The following UBAP1L variants were observed in gnomAD, a reference collection of about 807,000 sequenced individuals.
UBAP1L encodes the protein ubiquitin associated protein 1 like, also known as ubiquitin-associated protein 1-like.
UBAP1L carries 32 observed loss-of-function variants against 32.1 expected under a neutral mutation model. The observed-to-expected ratio is 1.00, with a 90% CI of 0.75 to 1.34. UBAP1L has a LOEUF of 1.34. Ranked by LOEUF, UBAP1L falls within the 40% of genes most tolerant of loss-of-function variation. UBAP1L has a pLI of 0.00. For missense variants in UBAP1L, 516 were observed against 540.5 expected (o/e 0.95, Z 0.45); for synonymous variants, 243 against 250.2 (o/e 0.97, Z 0.27).
chr15:65,093,493 CACTCACTGTCA>C (rs1398248966), intron 5 of UBAP1L, among the ~76,000 whole-genome samples: 1 of 152,220 alleles, frequency 6.6e-6, no homozygotes, highest in Non-Finnish European at 1.5e-5. Flanking sequence ...CCACTCCTCC[CACTCACTGTCA>C]ACTTTCTGCT....
chr15:65,102,592 C>T lies in UBAP1L; in HGVS notation c.213G>A (p.Ala71=), dbSNP rs1349759544. Residue 71 remains alanine (A), a synonymous_variant, in exon 3 of 6, where the codon GCG becomes GCA. Transcript: ENST00000559089. The surrounding 1 kb of genome is among the most constrained non-coding windows in gnomAD (Gnocchi z 5.0). ...SPYQCGDPGT[A]SAPPAWLLLV... ...GCAAGAGCCAGGCTGGAGGGGCTGA[C>T]GCTGTCCCCGGGTCACCGCACTGGT... 2.6e-6 allele frequency: 4 copies of T among 1,547,832 alleles called. No homozygotes were observed. Among genetic ancestry groups the T allele is most frequent in the African/African-American group, 1.4e-5 (1 of 72,742 alleles).
At chr15:65,100,819 T>C (rs1159011275) in intron 3 of UBAP1L, 1 of 152,282 alleles carries the variant, frequency 6.6e-6, no homozygotes, top group Non-Finnish European at 1.5e-5. Context: ...CATCAAAGTT[T>C]AGGAGCTGAG....
chr15:65,113,734 C>T (rs1396144522), intron 1 of UBAP1L, among the ~76,000 whole-genome samples: 1 of 151,844 alleles, frequency 6.6e-6, no homozygotes, highest in African/African-American at 2.4e-5. Flanking sequence ...GGCGACAAAG[C>T]GAGAGTCTGT....
chr15:65,101,726 G>GC (rs954050870), intron 3 of UBAP1L: 1 of 162,816 alleles, frequency 6.1e-6, no homozygotes, highest in African/African-American at 2.4e-5. Context: ...TCCACTGAGC[G>GC]CCCCCTATGG....
intron 2 of UBAP1L, 161 bp downstream of exon 2, chr15:65,105,935 C>T (rs1045644890): frequency 1.1e-5 from 11 of 960,172 alleles, no homozygotes; most frequent in African/African-American, 1.7e-5. Context: ...GGATTACAGG[C>T]ACGCGTCACC....
intron 4 of UBAP1L, chr15:65,097,473 G>C (rs2087188825): frequency 6.6e-6 from 1 of 152,262 alleles, no homozygotes; most frequent in South Asian, 2.1e-4. Flanking sequence ...TGAGATAAAA[G>C]ACATCGTGCG....
rs2087157291 is a variant in UBAP1L at position 65,094,883 on chromosome 15, C to T, written c.910-307G>A. On this transcript the variant is annotated intron_variant, in intron 4 of 5. Coordinates refer to ENST00000559089, the MANE Select transcript of UBAP1L (RefSeq NM_001163692.2). The surrounding 1 kb of genome is among the most constrained non-coding windows in gnomAD (Gnocchi z 4.2). ...CCTAGGTGGGGAGCAGGACAGGCTT[C>T]AAACACAGACATCCCACCTACCACC... The T allele has an allele frequency of 2.4e-6, 1 of 422,252 alleles. No homozygotes were observed. The highest frequency in any genetic ancestry group is 4.4e-6 in the Non-Finnish European group (1 of 226,096). The allele number at this position is 422,252 out of a possible 1,614,324, so 26.2% of individuals were successfully genotyped here.
At chr15:65,111,067 A>G (rs895878584) in intron 1 of UBAP1L, among the ~76,000 whole-genome samples, 2 of 152,220 alleles carry the variant, frequency 1.3e-5, no homozygotes, top group Non-Finnish European at 2.9e-5. Flanking sequence ...CTTGCTGTAT[A>G]TAAGACTCAA....
At position 65,093,106 on chromosome 15, in the gene UBAP1L, A is replaced by G; in HGVS notation, c.1137T>C (p.Cys379=). ...TGGAGTGCCTCCGTGGTCACTGGGCACAGGCCACCAGCTCCTCCAGGGCTT... is the reference window on the plus strand; with the variant it reads ...TGGAGTGCCTCCGTGGTCACTGGGCGCAGGCCACCAGCTCCTCCAGGGCTT... ...REQALEELVA[C]AQ The change falls in exon 6 of 6, where the codon TGT becomes TGC. Residue 379 remains cysteine, a synonymous_variant. Coordinates refer to ENST00000559089, the MANE Select transcript of UBAP1L (RefSeq NM_001163692.2). The G allele has an allele frequency of 6.5e-7, 1 of 1,548,364 alleles. No individual in the cohort carries two copies. Among genetic ancestry groups the G allele is most frequent in the South Asian group, 1.2e-5 (1 of 83,922 alleles).
chr15:65,099,576 C>T lies in UBAP1L; in HGVS notation c.838G>A (p.Val280Ile), dbSNP rs1475132459. Reference sequence around the variant, plus strand: ...CTTCGCAGGGGATATCCCAGGGCGACCACTGGCCCAATGAGGTCTTGCTCC... The same window carrying T: ...CTTCGCAGGGGATATCCCAGGGCGATCACTGGCCCAATGAGGTCTTGCTCC... ...QEEQDLIGPV[V>I]ALGYPLRRAI... Residue 280 changes from valine (V) to isoleucine (I), a missense_variant, in exon 4 of 6, where the codon GTC (valine) becomes ATC (isoleucine). Transcript: ENST00000559089. The T allele has an allele frequency of 6.4e-7, 1 of 1,551,620 alleles. No homozygotes were observed. The highest frequency in any genetic ancestry group is 2.0e-5 in the Admixed American group (1 of 51,006).
At position 65,102,289 on chromosome 15, in the gene UBAP1L, G is replaced by A. The variant is rs1301509777; in HGVS notation, c.516C>T (p.Arg172=). Residue 172 remains arginine, a synonymous_variant, in exon 3 of 6, where the codon CGC becomes CGT. Transcript: ENST00000559089. This position sits in a 1 kb window ranked among gnomAD's most constrained non-coding sequence, Gnocchi z 5.0. ...GGCCGCGGAGGCCATGCAGGAGGGC[G>A]CGGGGCCGGGAGACCAGCTTCCCCT... The part of the protein sequence containing the change: ...LSEGKLVSRP[R]ALLHGLRGHR... 2 of 1,393,230 alleles carry A rather than the reference G, an allele frequency of 1.4e-6. No individual in the cohort carries two copies. The highest frequency in any genetic ancestry group is 1.5e-5 in the African/African-American group (1 of 65,080). 86.3% of individuals were successfully genotyped at this position (1,393,230 alleles called of 1,614,324 possible).
At chr15:65,104,903 A>G (rs1024470127) in intron 2 of UBAP1L, 1 of 410,278 alleles carries the variant, frequency 2.4e-6, no homozygotes, top group Non-Finnish European at 4.8e-6. Flanking sequence ...GCTACTCGGG[A>G]GACCATGGCA....
rs2087310401 is a variant in UBAP1L, at chr15:65,106,253, C to A, written c.-38G>T. 6.6e-7 allele frequency: 1 copy of A among 1,512,410 alleles called. No homozygotes were observed. Among genetic ancestry groups the A allele is most frequent in the Admixed American group, 2.4e-5 (1 of 41,132 alleles). The allele number at this position is 1,512,410 out of a possible 1,614,324, so 93.7% of individuals were successfully genotyped here. ...GTGGAGATGGCTGGCAGGGCTGGGG[C>A]AGGCTGCTTGATGGCAGGGAGAGAG... is the stretch of plus-strand genomic sequence containing the variant. On this transcript the variant is annotated 5_prime_UTR_variant, in exon 2 of 6. Transcript: ENST00000559089.
intron 2 of UBAP1L, chr15:65,105,009 TGAAAAAAAAA>T (rs1259320688): frequency 1.2e-5 from 1 of 83,658 alleles, no homozygotes; most frequent in Non-Finnish European, 2.6e-5. Flanking sequence ...CTGTCTCAAA[TGAAAAAAAAA>T]AAAAAAAAAG....
At chr15:65,096,666 C>T (rs895756966) in intron 4 of UBAP1L, 3 of 152,280 alleles carry the variant, frequency 2.0e-5, no homozygotes, top group Non-Finnish European at 2.9e-5. Flanking sequence ...GTTCCAAACA[C>T]GTATTCCTCC....
At chr15:65,110,027 T>C (rs1223655917) in intron 1 of UBAP1L, among the ~76,000 whole-genome samples, 1 of 152,214 alleles carries the variant, frequency 6.6e-6, no homozygotes, top group Non-Finnish European at 1.5e-5. Context: ...TTTTGATATA[T>C]TTTAAACTAC....
At chr15:65,099,005 CA>C (rs1013643890) in intron 4 of UBAP1L, 3 of 152,768 alleles carry the variant, frequency 2.0e-5, no homozygotes, top group African/African-American at 7.2e-5. Context: ...TGGCTTGTAT[CA>C]GGGGTCAAGA....
intron 2 of UBAP1L, 166 bp downstream of exon 2, chr15:65,105,930 A>T: frequency 1.1e-6 from 1 of 931,240 alleles, no homozygotes; most frequent in Non-Finnish European, 1.6e-6. Context: ...AGCTGGGATT[A>T]CAGGCACGCG....
intron 4 of UBAP1L, 84 bp downstream of exon 4, chr15:65,099,421 G>T: frequency 7.1e-7 from 1 of 1,415,184 alleles, no homozygotes; most frequent in Non-Finnish European, 9.6e-7. Flanking sequence ...TTGGGCCTAT[G>T]TCACAGCTCA....
Sources: allele counts gnomAD v4.1 joint callset (sites outside exome capture counted in the v4.1 genomes callset), GRCh38; gene constraint gnomAD v4.1.1; non-coding constraint Gnocchi (gnomAD v3.1); transcripts MANE v1.5; gene names NCBI Gene and HGNC (gene_info 2026-07-23, HGNC 2026-07-21).